EFHD1: variants seen among roughly 807,000 people sequenced by gnomAD.
EFHD1 encodes the protein EF-hand domain family member D1, also known as EF-hand domain-containing protein D1.
In EFHD1, 10 loss-of-function variants were observed where a neutral mutation model predicts 17.2. The observed-to-expected ratio is 0.58, with a 90% confidence interval of 0.36 to 0.99. The LOEUF (loss-of-function observed/expected upper bound fraction) is 0.99, where lower values mean the gene tolerates loss of function less well. Among genes scored for constraint, EFHD1 ranks in the 50% least tolerant of loss-of-function variants. The pLI, the probability that EFHD1 is intolerant of heterozygous loss-of-function variation, is 0.01. For synonymous variants in EFHD1, 153 were observed against 142.0 expected, an observed-to-expected ratio of 1.08 and a Z score of -0.55; for missense variants, 310 against 327.5, an observed-to-expected ratio of 0.95 and a Z score of 0.41.
intron 1 of EFHD1, among the ~76,000 whole-genome samples, chr2:232,606,363 C>T (rs1693712731): frequency 6.6e-6 from 1 of 152,214 alleles, no homozygotes; most frequent in Admixed American, 6.5e-5. Flanking sequence ...GCCTTCTCCG[C>T]GCCGGCTGGT....
chr2:232,633,920 C>T lies in EFHD1; in HGVS notation c.216C>T (p.Pro72=). Residue 72 remains proline (P), a synonymous_variant, in exon 1 of 4, where the codon CCC becomes CCT. Transcript: ENST00000264059. Reference sequence around the variant, plus strand: ...ACATCAACGAGGGCGCTGCGCGGCCCCGGCGCTGCAGGGTCTTCAACCCCT... The same window carrying T: ...ACATCAACGAGGGCGCTGCGCGGCCTCGGCGCTGCAGGGTCTTCAACCCCT... ...RLDINEGAAR[P]RRCRVFNPYT... is the part of the protein sequence containing the mutation. The T allele has an allele frequency of 6.3e-7, 1 of 1,588,000 alleles. No individual in the cohort carries two copies. The highest frequency in any genetic ancestry group is 1.7e-5 in the Admixed American group (1 of 59,446).
At position 232,678,002 on chromosome 2, in the gene EFHD1, G is replaced by A. The variant is rs13395804; in HGVS notation, c.586-3583G>A. Reference sequence around the variant, plus strand: ...CTCTAAGGATCTTAAAACTTCAGGGGCCAGGAGCAGTGGCTTATGCCTATA... The same window carrying A: ...CTCTAAGGATCTTAAAACTTCAGGGACCAGGAGCAGTGGCTTATGCCTATA... On this transcript the variant is annotated intron_variant, in intron 3 of 3. Coordinates refer to ENST00000264059, the MANE Select transcript of EFHD1 (RefSeq NM_025202.4). Among the ~76,000 whole-genome samples the A allele has an allele frequency of 6.2e-3, 950 of 152,154 alleles. 9 individuals are homozygous for A. The highest frequency in any genetic ancestry group is 0.01 in the Non-Finnish European group (689 of 67,994).
intron 1 of EFHD1, among the ~76,000 whole-genome samples, chr2:232,662,402 G>A (rs1051111705): frequency 2.0e-5 from 3 of 152,092 alleles, no homozygotes; most frequent in African/African-American, 7.2e-5. Flanking sequence ...TCCTGGAATT[G>A]CCAGCCCTTC....
chr2:232,674,818 C>T (rs1012891784), intron 3 of EFHD1, among the ~76,000 whole-genome samples: 8 of 152,008 alleles, frequency 5.3e-5, no homozygotes, highest in Admixed American at 3.3e-4. Context: ...GAAGGGAGGG[C>T]GTTGTGATCG....
intron 2 of EFHD1, among the ~76,000 whole-genome samples, chr2:232,667,978 G>C (rs1694998146): frequency 1.3e-5 from 2 of 152,226 alleles, no homozygotes; most frequent in Admixed American, 1.3e-4. Flanking sequence ...ATCGGCCGAA[G>C]CCATGAAGTT....
At chr2:232,618,983 A>C (rs1360892587) in intron 1 of EFHD1, among the ~76,000 whole-genome samples, 1 of 151,780 alleles carries the variant, frequency 6.6e-6, no homozygotes, top group Non-Finnish European at 1.5e-5. Context: ...ATCTCTACTA[A>C]AAATACAAAA....
intron 1 of EFHD1, chr2:232,650,201 AAAGGCCAC>A (rs1341601145): frequency 2.6e-5 from 4 of 152,138 alleles, no homozygotes; most frequent in African/African-American, 9.7e-5. Flanking sequence ...AAATATGGGA[AAAGGCCAC>A]AAGTCCACAA....
intron 3 of EFHD1, among the ~76,000 whole-genome samples, chr2:232,677,272 C>T (rs1339578488): frequency 5.0e-4 from 15 of 29,946 alleles, no homozygotes; most frequent in African/African-American, 1.1e-3. Context: ...ATAACACACA[C>T]ATACACACAC....
intron 1 of EFHD1, among the ~76,000 whole-genome samples, chr2:232,619,794 G>A (rs1693988588): frequency 6.6e-6 from 1 of 152,116 alleles, no homozygotes; most frequent in Admixed American, 6.6e-5. Flanking sequence ...GACTCAGGAG[G>A]CTGAGGTGGG....
intron 1 of EFHD1, among the ~76,000 whole-genome samples, chr2:232,657,677 G>C (rs1286833003): frequency 1.3e-5 from 2 of 151,580 alleles, no homozygotes; most frequent in Admixed American, 6.6e-5. Flanking sequence ...CGGCCATGGT[G>C]GTGGGCGCCT....
rs904229805 is a variant in EFHD1 at position 232,682,763 on chromosome 2, C to T, written c.*1044C>T. ...ACTGCTGTCTTTACAATAAAGAAATCATCTGCCTTTCTATCTTACAGCTAT... is the reference window on the plus strand; with the variant it reads ...ACTGCTGTCTTTACAATAAAGAAATTATCTGCCTTTCTATCTTACAGCTAT... On this transcript the variant is annotated 3_prime_UTR_variant, in exon 4 of 4. Coordinates refer to ENST00000264059, the MANE Select transcript of EFHD1 (RefSeq NM_025202.4). The T allele has an allele frequency of 1.3e-5, 2 of 152,146 alleles. No homozygotes were observed. The highest frequency in any genetic ancestry group is 2.9e-5 in the Non-Finnish European group (2 of 68,032). The allele number at this position is 152,146 out of a possible 1,614,324, so 9.4% of individuals were successfully genotyped here.
rs1574733014 is a variant in EFHD1, at chr2:232,670,362, A to G, written c.451-1947A>G. On this transcript the variant is annotated intron_variant, in intron 2 of 3. Transcript: ENST00000264059. ...AGGCTGAGGCGGGAGGATCACTTGA[A>G]CCCGGGAGGCAGAGGTTGCAGTGAG... Among the ~76,000 whole-genome samples, 6 of 151,892 alleles carry G rather than the reference A, an allele frequency of 4.0e-5. No homozygotes were observed. The East Asian group carries it at 1.2e-3, about 29-fold the overall frequency.
chr2:232,640,888 G>T (rs923056438), intron 1 of EFHD1, among the ~76,000 whole-genome samples: 2 of 152,140 alleles, frequency 1.3e-5, no homozygotes, highest in Non-Finnish European at 2.9e-5. Flanking sequence ...GAAGGCCCTT[G>T]GGATGAACCT....
upstream of EFHD1, among the ~76,000 whole-genome samples, chr2:232,632,679 G>T (rs1349234921): frequency 6.6e-6 from 1 of 152,206 alleles, no homozygotes; most frequent in Non-Finnish European, 1.5e-5. Flanking sequence ...AGGCTGGAGT[G>T]CAGTGGCCTG....
intron 1 of EFHD1, among the ~76,000 whole-genome samples, chr2:232,647,761 C>G (rs759326323): frequency 1.3e-5 from 2 of 151,884 alleles, no homozygotes; most frequent in Non-Finnish European, 2.9e-5. Context: ...CTTAGCCTCC[C>G]AAGTAGCTGG....
At chr2:232,673,573 C>A (rs778171709) in intron 3 of EFHD1, among the ~76,000 whole-genome samples, 1 of 152,180 alleles carries the variant, frequency 6.6e-6, no homozygotes. Flanking sequence ...GAAAACTCTG[C>A]TTCATCCAGA....
chr2:232,629,363 A>G (rs940873114), upstream of EFHD1, among the ~76,000 whole-genome samples: 2 of 152,254 alleles, frequency 1.3e-5, no homozygotes, highest in African/African-American at 4.8e-5. Context: ...CAGCTGCTCT[A>G]CAGCAAAACA....
At chr2:232,661,300 C>T (rs1040003141) in intron 1 of EFHD1, among the ~76,000 whole-genome samples, 1 of 152,096 alleles carries the variant, frequency 6.6e-6, no homozygotes, top group Non-Finnish European at 1.5e-5. Flanking sequence ...ATCCATTGAA[C>T]ACTAACTCCC....
At chr2:232,613,089 G>A (rs769339765) in intron 1 of EFHD1, among the ~76,000 whole-genome samples, 25 of 151,554 alleles carry the variant, frequency 1.6e-4, no homozygotes, top group Non-Finnish European at 2.9e-4. Flanking sequence ...CCATTCCTAG[G>A]TAATTAACCA....
Sources: allele counts gnomAD v4.1 joint callset (sites outside exome capture counted in the v4.1 genomes callset), GRCh38; gene constraint gnomAD v4.1.1; transcripts MANE v1.5; gene names NCBI Gene and HGNC (gene_info 2026-07-23, HGNC 2026-07-21).